XKR5: variants seen among roughly 807,000 people sequenced by gnomAD.
XKR5 encodes XK-related protein 5.
In XKR5, 46 loss-of-function variants were observed where a neutral mutation model predicts 40.8. The observed-to-expected ratio is 1.13, with a 90% CI of 0.89 to 1.44. The LOEUF is 1.44. Among genes scored for constraint, XKR5 ranks in the 40% most tolerant of loss-of-function variants. XKR5 has a pLI of 0.00. For synonymous variants in XKR5, 466 were observed against 356.1 expected (o/e 1.31, Z -3.48); for missense variants, 1,169 against 844.7 (o/e 1.38, Z -4.76).
chr8:6,812,311 G>A lies in XKR5; in HGVS notation c.948C>T (p.Ser316=). 6.4e-7 allele frequency: 1 copy of A among 1,551,392 alleles called. No homozygotes were observed. Among genetic ancestry groups the A allele is most frequent in the Non-Finnish European group, 8.7e-7 (1 of 1,146,778 alleles). ...TGTCTGTGGATTTTGGATGCAGCAG[G>A]CTGTAATAAATTACCAGTGAGACAC... ...IGSVSLVIYY[S]LLHPKSTDIW... Residue 316 remains serine, a synonymous_variant, in exon 7 of 7, where the codon AGC becomes AGT. Coordinates refer to ENST00000618742, the MANE Select transcript of XKR5 (RefSeq NM_207411.5).
At chr8:6,821,765 G>A in intron 5 of XKR5, 104 bp downstream of exon 5, 3 of 925,984 alleles carry the variant, frequency 3.2e-6, no homozygotes, top group Non-Finnish European at 4.6e-6. Flanking sequence ...TCAATAGATA[G>A]GTGTGCATTG....
At chr8:6,822,618 G>T (rs528701454) in intron 4 of XKR5, among the ~76,000 whole-genome samples, 67 of 152,154 alleles carry the variant, frequency 4.4e-4, no homozygotes, top group African/African-American at 1.6e-3. Context: ...AGGCCCAAGG[G>T]GCAAATATTT....
At chr8:6,830,028 G>T (rs537054553) in intron 2 of XKR5, among the ~76,000 whole-genome samples, 1 of 151,822 alleles carries the variant, frequency 6.6e-6, no homozygotes, top group Admixed American at 6.6e-5. Flanking sequence ...TAGTAGAGAC[G>T]GGGTTTCACC....
intron 1 of XKR5, among the ~76,000 whole-genome samples, chr8:6,833,307 C>A (rs962509553): frequency 1.3e-5 from 2 of 152,246 alleles, no homozygotes; most frequent in Non-Finnish European, 2.9e-5. Flanking sequence ...TCAACTTCCC[C>A]TGGTTCCTGT....
At chr8:6,820,458 A>G (rs2117094596) in intron 5 of XKR5, among the ~76,000 whole-genome samples, 1 of 152,344 alleles carries the variant, frequency 6.6e-6, no homozygotes, top group South Asian at 2.1e-4. Flanking sequence ...AGTGTGACAA[A>G]TGCAAGCAAA....
intron 6 of XKR5, among the ~76,000 whole-genome samples, chr8:6,812,584 G>A (rs1190197733): frequency 2.6e-5 from 4 of 152,206 alleles, no homozygotes; most frequent in Non-Finnish European, 5.9e-5. Context: ...TTGATTCTAT[G>A]CTTTTGTCTT....
intron 2 of XKR5, among the ~76,000 whole-genome samples, chr8:6,831,021 C>T (rs1804740821): frequency 6.6e-6 from 1 of 152,218 alleles, no homozygotes. Context: ...CAGGAAGCTT[C>T]TCTAAGTGAC....
chr8:6,815,963 C>T, intron 5 of XKR5, 45 bp from the exon 6 acceptor site: 1 of 1,449,018 alleles, frequency 6.9e-7, no homozygotes, highest in Non-Finnish European at 9.5e-7. Flanking sequence ...CAGGTGCACA[C>T]TGCCTAGGGA....
intron 1 of XKR5, among the ~76,000 whole-genome samples, chr8:6,833,277 C>T (rs1487676657): frequency 1.3e-5 from 2 of 152,228 alleles, no homozygotes; most frequent in African/African-American, 2.4e-5. Flanking sequence ...TGGTGCTCTG[C>T]CCTAGCAAAG....
chr8:6,832,763 A>T lies in XKR5; in HGVS notation c.196T>A (p.Cys66Ser). Residue 66 changes from cysteine to serine, a missense_variant, in exon 2 of 7, where the codon TGC becomes AGC. Physicochemically the swap from Cys to Ser is moderately radical, Grantham distance 112. Transcript: ENST00000618742. ...AGGAGGTGCAGCATCATCAAGGAGC[A>T]ATGCCCTGGATGCCCGTCTGCTCGG... ...WFRADGHPGH[C>S]SLMMLHLLQL... The T allele has an allele frequency of 6.2e-7, 1 of 1,613,520 alleles. No homozygotes were observed. Among genetic ancestry groups the T allele is most frequent in the Non-Finnish European group, 8.5e-7 (1 of 1,179,716 alleles).
rs1474959302 is a variant in XKR5 at position 6,835,504 on chromosome 8, G to A, written c.-11C>T. On this transcript the variant is annotated 5_prime_UTR_variant, in exon 1 of 7. Coordinates refer to ENST00000618742, the MANE Select transcript of XKR5 (RefSeq NM_207411.5). ...GAGCCTCGCGTGCATCTTCCGTGCC[G>A]ACCCCGCAGCCTGCGCCCGCCCCTT... The A allele has an allele frequency of 3.3e-6, 5 of 1,494,792 alleles. No homozygotes were observed. The highest frequency in any genetic ancestry group is 4.4e-6 in the Non-Finnish European group (5 of 1,128,254). 92.6% of individuals were successfully genotyped at this position (1,494,792 alleles called of 1,614,324 possible).
intron 6 of XKR5, among the ~76,000 whole-genome samples, chr8:6,815,605 C>T (rs1803918312): frequency 6.6e-6 from 1 of 152,076 alleles, no homozygotes; most frequent in African/African-American, 2.4e-5. Context: ...GTTCCGAGCA[C>T]AGTCAAGCAA....
At position 6,832,852 on chromosome 8, in the gene XKR5, C is replaced by A; in HGVS notation, c.107G>T (p.Gly36Val). 1 of 1,610,724 alleles carries A rather than the reference C, an allele frequency of 6.2e-7. No individual in the cohort carries two copies. Among genetic ancestry groups the A allele is most frequent in the Non-Finnish European group, 8.5e-7 (1 of 1,178,726 alleles). The change falls in exon 2 of 7, where the codon GGG (glycine) becomes GTG (valine). Residue 36 changes from glycine (G) to valine (V), a missense_variant. By Grantham distance (109) the Gly-to-Val change is moderately radical (BLOSUM62 -3). Transcript: ENST00000618742. Reference sequence around the variant, plus strand: ...CAGGAGGACAGCAAGGGCCAGCCACCCCCACAGAAGCCGTCCTGTGGTGAA... The same window carrying A: ...CAGGAGGACAGCAAGGGCCAGCCACACCCACAGAAGCCGTCCTGTGGTGAA... ...YYFTTGRLLW[G>V]WLALAVLLPG...
chr8:6,834,647 C>T (rs909329119), intron 1 of XKR5, among the ~76,000 whole-genome samples: 4 of 152,024 alleles, frequency 2.6e-5, no homozygotes, highest in Non-Finnish European at 5.9e-5. Context: ...GGAAAAGTCC[C>T]AAGGCGGCGT....
rs1803545904 is a variant in XKR5 at position 6,808,678 on chromosome 8, C to G, written c.*2520G>C. 6.6e-6 allele frequency: 1 copy of G among 152,148 alleles called. No homozygotes were observed. The highest frequency in any genetic ancestry group is 6.5e-5 in the Admixed American group (1 of 15,278). 9.4% of individuals were successfully genotyped at this position (152,148 alleles called of 1,614,324 possible). On this transcript the variant is annotated 3_prime_UTR_variant, in exon 7 of 7. Transcript: ENST00000618742. The stretch of plus-strand genomic sequence containing the variant: ...CAGGGCCTCGAACAGCAAGTACATG[C>G]CTTGATTTCTGCATACTCAGTGCCT...
chr8:6,812,015 C>A lies in XKR5; in HGVS notation c.1244G>T (p.Gly415Val). 7 of 1,537,462 alleles carry A rather than the reference C, an allele frequency of 4.6e-6. No homozygotes were observed. Among genetic ancestry groups the A allele is most frequent in the Non-Finnish European group, 6.1e-6 (7 of 1,146,932 alleles). The change falls in exon 7 of 7, where the codon GGA becomes GTA. Residue 415 changes from glycine to valine, a missense_variant. By Grantham distance (109) the Gly-to-Val change is moderately radical. Transcript: ENST00000618742. ...GGCGGCATTGATCTTAGACACATTT[C>A]CTGTTTTTAGGGCAAGTTTCACCCA... ...WLWVKLALKT[G>V]NVSKINAAFG...
chr8:6,813,489 C>T (rs1009407724), intron 6 of XKR5, among the ~76,000 whole-genome samples: 8 of 152,120 alleles, frequency 5.3e-5, no homozygotes, highest in Non-Finnish European at 8.8e-5. Flanking sequence ...CAGGCTGGCA[C>T]GCAGTTGGTA....
Position 6,832,887 on chromosome 8 carries a change from C to T in XKR5, c.72G>A (p.Val24=), listed in dbSNP as rs1053371668. 4 of 1,599,882 alleles carry T rather than the reference C, an allele frequency of 2.5e-6. No homozygotes were observed. Among genetic ancestry groups the T allele is most frequent in the Non-Finnish European group, 2.6e-6 (3 of 1,174,386 alleles). The change falls in exon 2 of 7, where the codon GTG becomes GTA. Residue 24 remains valine, a synonymous_variant. Coordinates refer to ENST00000618742, the MANE Select transcript of XKR5 (RefSeq NM_207411.5). The stretch of plus-strand genomic sequence containing the variant: ...GCCGTCCTGTGGTGAAGTAGTAAGC[C>T]ACGGTGTAAAGGCCTGGGTGAGAAG... ...AAEQSARLYT[V]AYYFTTGRLL...
In XKR5 at chr8:6,835,426, C is replaced by A; in HGVS notation, c.58+10G>T. 1 of 1,476,652 alleles carries A rather than the reference C, an allele frequency of 6.8e-7. No homozygotes were observed. Among genetic ancestry groups the A allele is most frequent in the Non-Finnish European group, 8.9e-7 (1 of 1,120,636 alleles). The allele number at this position is 1,476,652 out of a possible 1,614,324, so 91.5% of individuals were successfully genotyped here. On this transcript the variant is annotated intron_variant, in intron 1 of 6. Coordinates refer to ENST00000618742, the MANE Select transcript of XKR5 (RefSeq NM_207411.5). ...CAGGGGTGAGCACAGCCTCGGGCTG[C>A]CGCACTCACGCGCGCTCTGCTCGGC...
Sources: gnomAD v4.1 joint callset for allele counts (sites outside exome capture counted in the v4.1 genomes callset) on GRCh38, gnomAD v4.1.1 for gene constraint, MANE v1.5 for transcripts, NCBI Gene and HGNC (gene_info 2026-07-23, HGNC 2026-07-21) for gene names.